The following CSGALNACT1 variants were observed in gnomAD, a reference collection of about 807,000 sequenced individuals.
CSGALNACT1 encodes beta4GalNAcT-1.
A neutral mutation model predicts 51.0 loss-of-function variants in CSGALNACT1; 52 were observed. The ratio of observed to expected loss-of-function variants is 1.02; its 90% CI spans 0.82 to 1.29. The LOEUF (loss-of-function observed/expected upper bound fraction) is 1.29, where lower values mean the gene tolerates loss of function less well. Among genes scored for constraint, CSGALNACT1 ranks in the 50% most tolerant of loss-of-function variants. CSGALNACT1 has a pLI of 0.00. For synonymous variants in CSGALNACT1, 341 were observed against 254.4 expected, an observed-to-expected ratio of 1.34 and a Z score of -3.24; for missense variants, 935 against 679.2, an observed-to-expected ratio of 1.38 and a Z score of -4.19.
At chr8:19,600,200 A>G (rs1170349655) in intron 2 of CSGALNACT1, among the ~76,000 whole-genome samples, 1 of 152,050 alleles carries the variant, frequency 6.6e-6, no homozygotes, top group Non-Finnish European at 1.5e-5. Context: ...CTTCTGCCTC[A>G]TCTTCCCTAG....
At position 19,737,721 on chromosome 8, in the gene CSGALNACT1, C is replaced by T. The variant is rs530274336; in HGVS notation, c.-297+20129G>A. On this transcript the variant is annotated intron_variant, in intron 1 of 1. Transcript: ENST00000517494. ...CACAATAAATGTAAATGTACTAAGG[C>T]TCTAACTTAAAGACTGAGATCATCA... Among the ~76,000 whole-genome samples the T allele has an allele frequency of 3.3e-5, 5 of 152,222 alleles. No homozygotes were observed. In the South Asian group the frequency reaches 1.0e-3, roughly 32 times the overall value.
intron 5 of CSGALNACT1, among the ~76,000 whole-genome samples, chr8:19,449,873 G>A (rs996051198): frequency 9.9e-5 from 15 of 151,796 alleles, no homozygotes; most frequent in African/African-American, 3.4e-4. Flanking sequence ...TCCCCTCAGA[G>A]AGGCTCAGAG....
chr8:19,450,425 G>A (rs1456099877), intron 5 of CSGALNACT1, among the ~76,000 whole-genome samples: 1 of 152,058 alleles, frequency 6.6e-6, no homozygotes, highest in Non-Finnish European at 1.5e-5. Context: ...TTTCCCTGGT[G>A]AGCTCCCTCT....
At chr8:19,569,401 G>C (rs576580907) in intron 3 of CSGALNACT1, among the ~76,000 whole-genome samples, 1 of 152,228 alleles carries the variant, frequency 6.6e-6, no homozygotes, top group East Asian at 1.9e-4. Flanking sequence ...CAGGAGTGAT[G>C]CTTTGTCCTT....
chr8:19,630,239 T>C (rs887172689), intron 1 of CSGALNACT1, among the ~76,000 whole-genome samples: 1 of 126,248 alleles, frequency 7.9e-6, no homozygotes, highest in East Asian at 2.0e-4. Context: ...TGTGTGTGTG[T>C]GTGTATGTGT....
intron 4 of CSGALNACT1, among the ~76,000 whole-genome samples, chr8:19,482,294 T>A (rs891147861): frequency 1.3e-5 from 2 of 152,244 alleles, no homozygotes; most frequent in African/African-American, 4.8e-5. Flanking sequence ...TGATTTTAAT[T>A]AATTTTTGTT....
At chr8:19,619,248 CG>C (rs58524593) in intron 1 of CSGALNACT1, among the ~76,000 whole-genome samples, 13,311 of 41,278 alleles carry the variant, frequency 0.32, 750 homozygotes, top group South Asian at 0.45. Flanking sequence ...TAGACAGGGT[CG>C]GGGGGGGGTG....
At chr8:19,612,086 T>C (rs1487862351) in intron 1 of CSGALNACT1, among the ~76,000 whole-genome samples, 13 of 152,174 alleles carry the variant, frequency 8.5e-5, no homozygotes, top group Admixed American at 8.5e-4. Context: ...TTCACGCCTA[T>C]AATCCCATCA....
intron 1 of CSGALNACT1, among the ~76,000 whole-genome samples, chr8:19,748,218 TAATTAAA>T (rs1017645730): frequency 6.6e-6 from 1 of 152,188 alleles, no homozygotes; most frequent in Non-Finnish European, 1.5e-5. Context: ...TTCCGGTAAC[TAATTAAA>T]GTAGCCAGGG....
At chr8:19,746,050 G>C (rs1169739005) in intron 1 of CSGALNACT1, among the ~76,000 whole-genome samples, 1 of 152,074 alleles carries the variant, frequency 6.6e-6, no homozygotes, top group Non-Finnish European at 1.5e-5. Context: ...CTGAGGGTTG[G>C]TTTTCTGAGA....
At chr8:19,645,650 T>C (rs540783840) in intron 1 of CSGALNACT1, among the ~76,000 whole-genome samples, 24 of 152,304 alleles carry the variant, frequency 1.6e-4, no homozygotes, top group Non-Finnish European at 2.8e-4. Context: ...AAGCTGTAAG[T>C]CCATTATGAA....
exon 10 of CSGALNACT1, chr8:19,405,690 T>C: frequency 6.5e-7 from 1 of 1,527,450 alleles, no homozygotes; most frequent in South Asian, 1.1e-5. Flanking sequence ...TCTTTTGTCG[T>C]CCTTTATGGA....
At chr8:19,619,954 C>T in intron 1 of CSGALNACT1, among the ~76,000 whole-genome samples, 1 of 152,098 alleles carries the variant, frequency 6.6e-6, no homozygotes, top group East Asian at 1.9e-4. Context: ...AATTCTAGTT[C>T]TCTAATTTCT....
chr8:19,418,003 G>A (rs1255206450), intron 8 of CSGALNACT1, among the ~76,000 whole-genome samples: 5 of 152,180 alleles, frequency 3.3e-5, no homozygotes, highest in Admixed American at 2.0e-4. Flanking sequence ...ACCCTTGGGG[G>A]CTGTGTGCAT....
At chr8:19,736,857 T>C (rs979448313) in intron 1 of CSGALNACT1, among the ~76,000 whole-genome samples, 5 of 152,026 alleles carry the variant, frequency 3.3e-5, no homozygotes, top group East Asian at 3.8e-4. Flanking sequence ...AAATAATGGC[T>C]GAGAATTTTC....
Position 19,514,141 on chromosome 8 carries a change from G to A in CSGALNACT1, c.-296-8011C>T, listed in dbSNP as rs547750519. 8.9e-4 allele frequency among the ~76,000 whole-genome samples: 135 copies of A among 152,204 alleles called. No homozygotes were observed. The South Asian group carries it at 0.027, about 30-fold the overall frequency. On this transcript the variant is annotated intron_variant, in intron 3 of 9. Transcript: ENST00000454498. ...GCAACTAAAGCAGATCAGTATTACT[G>A]TGTATGCACTAAGAGGTGCTTGAGC... is the stretch of plus-strand genomic sequence containing the variant.
Position 19,505,849 on chromosome 8 carries a change from T to C in CSGALNACT1, c.-15A>G. The C allele has an allele frequency of 1.2e-6, 2 of 1,607,298 alleles. No homozygotes were observed. Among genetic ancestry groups the C allele is most frequent in the African/African-American group, 1.3e-5 (1 of 75,058 alleles). On this transcript the variant is annotated 5_prime_UTR_variant, in exon 4 of 10. The change abolishes an upstream ATG in the 5' untranslated region. Coordinates refer to ENST00000454498, the Ensembl canonical transcript of CSGALNACT1. ...ACCATCATCATTCAGGAATCAGCCA[T>C]GCGTCCAGAACCGGTGGCATCCCTC...
chr8:19,624,487 A>G (rs1343099589), intron 1 of CSGALNACT1, among the ~76,000 whole-genome samples: 1 of 152,186 alleles, frequency 6.6e-6, no homozygotes, highest in African/African-American at 2.4e-5. Context: ...TAGCCAACAC[A>G]GTATATTAAT....
chr8:19,745,245 G>A (rs769993968), intron 1 of CSGALNACT1, among the ~76,000 whole-genome samples: 9 of 152,072 alleles, frequency 5.9e-5, no homozygotes, highest in Admixed American at 6.6e-5. Flanking sequence ...GAAGAAAAAC[G>A]AGCCTTAATT....
Sources: allele counts gnomAD v4.1 joint callset (sites outside exome capture counted in the v4.1 genomes callset), GRCh38; gene constraint gnomAD v4.1.1; transcripts MANE v1.5; gene names NCBI Gene and HGNC (gene_info 2026-07-23, HGNC 2026-07-21).